KCNIP1: variants seen among roughly 807,000 people sequenced by gnomAD.
The protein encoded by KCNIP1 is potassium voltage-gated channel interacting protein 1, also known as A-type potassium channel modulatory protein KCNIP1.
In KCNIP1, 18 loss-of-function variants were observed where a neutral mutation model predicts 33.0. The observed-to-expected ratio is 0.55, with a 90% CI of 0.38 to 0.81. KCNIP1 has a LOEUF of 0.81. KCNIP1 is among the 30% of genes least tolerant of loss of function. KCNIP1 has a pLI of 0.00. For synonymous variants in KCNIP1, 93 were observed against 98.3 expected, an observed-to-expected ratio of 0.95 and a Z score of 0.32; for missense variants, 238 against 271.6, an observed-to-expected ratio of 0.88 and a Z score of 0.87.
chr5:170,431,955 T>C (rs1029461225), intron 1 of KCNIP1, among the ~76,000 whole-genome samples: 1 of 152,160 alleles, frequency 6.6e-6, no homozygotes, highest in Non-Finnish European at 1.5e-5. Context: ...GGGTTGCTGG[T>C]GGGCAGATTC....
At chr5:170,363,146 C>G (rs1410877398) in intron 1 of KCNIP1, among the ~76,000 whole-genome samples, 1 of 152,196 alleles carries the variant, frequency 6.6e-6, no homozygotes, top group Non-Finnish European at 1.5e-5. Flanking sequence ...TGTTTTTATT[C>G]CAAACCAGGG....
At chr5:170,454,157 A>G (rs1756320698) in intron 1 of KCNIP1, among the ~76,000 whole-genome samples, 1 of 152,240 alleles carries the variant, frequency 6.6e-6, no homozygotes, top group South Asian at 2.1e-4. Flanking sequence ...CTAGAAGAAT[A>G]ATTCATGCTT....
chr5:170,495,853 C>T (rs1042513766), intron 1 of KCNIP1, among the ~76,000 whole-genome samples: 1 of 152,222 alleles, frequency 6.6e-6, no homozygotes, highest in Non-Finnish European at 1.5e-5. Context: ...AGTCAGTCCT[C>T]AGCACGAGGG....
At chr5:170,567,370 G>A (rs1314767722) in intron 1 of KCNIP1, among the ~76,000 whole-genome samples, 1 of 152,194 alleles carries the variant, frequency 6.6e-6, no homozygotes, top group Non-Finnish European at 1.5e-5. Flanking sequence ...GATACAGGAG[G>A]TGAGGAGGTC....
chr5:170,720,958 CA>C (rs58206720), intron 3 of KCNIP1, among the ~76,000 whole-genome samples: 3,319 of 152,328 alleles, frequency 0.022, 132 homozygotes, highest in African/African-American at 0.075. Flanking sequence ...AGGCCCACAA[CA>C]GCTGCTCTGT....
intron 1 of KCNIP1, among the ~76,000 whole-genome samples, chr5:170,534,507 G>A (rs1374739604): frequency 1.1e-5 from 1 of 87,328 alleles, no homozygotes; most frequent in African/African-American, 1.0e-4. Context: ...GGAGAAGGAG[G>A]AGAAGGAGAA....
At chr5:170,721,701 C>A in intron 3 of KCNIP1, 132 bp from the exon 4 acceptor site, 1 of 1,602,072 alleles carries the variant, frequency 6.2e-7, no homozygotes, top group Admixed American at 1.7e-5. Context: ...GGGCCCCACT[C>A]CATAATTTTC....
At chr5:170,718,933 T>C in intron 2 of KCNIP1, 51 bp downstream of exon 2, 1 of 1,581,044 alleles carries the variant, frequency 6.3e-7, no homozygotes, top group Non-Finnish European at 8.5e-7. Context: ...CACGTGAGGC[T>C]ACACTCTCCC....
chr5:170,736,091 T>C lies in KCNIP1; in HGVS notation c.*285T>C. ...CCTCACACTGCTGCCCTATGGAAGG[T>C]CCCTCTGCTTAAGCTTAAACAGTAG... On this transcript the variant is annotated 3_prime_UTR_variant, in exon 8 of 8. Transcript: ENST00000328939. 1 of 430,218 alleles carries C rather than the reference T, an allele frequency of 2.3e-6. No homozygotes were observed. The highest frequency in any genetic ancestry group is 4.2e-6 in the Non-Finnish European group (1 of 239,620). 26.7% of individuals were successfully genotyped at this position (430,218 alleles called of 1,614,324 possible). A position where few individuals can be genotyped will look rare whatever the true frequency, so the allele number is the denominator to read the frequency against.
chr5:170,654,534 T>C (rs1232737178), intron 1 of KCNIP1, among the ~76,000 whole-genome samples: 1 of 152,244 alleles, frequency 6.6e-6, no homozygotes, highest in Non-Finnish European at 1.5e-5. Flanking sequence ...CATTTACTCA[T>C]GAATATTAAT....
chr5:170,626,102 T>G, intron 1 of KCNIP1, among the ~76,000 whole-genome samples: 1 of 152,078 alleles, frequency 6.6e-6, no homozygotes, highest in Non-Finnish European at 1.5e-5. Flanking sequence ...GTTTGGAAGG[T>G]GCTGGAAGGT....
rs572829952 is a variant in KCNIP1, at chr5:170,371,248, CCTGT to C, written c.88+17291_88+17294del. 3.7e-4 allele frequency among the ~76,000 whole-genome samples: 57 copies of C among 152,234 alleles called. 3 individuals are homozygous for C. The South Asian group carries it at 9.1e-3, about 24-fold the overall frequency. On this transcript the variant is annotated intron_variant, in intron 1 of 7. Coordinates refer to the KCNIP1 transcript ENST00000377360. ...GGCAGGTGCCAGCTGGCCTCGTGGTCCTGTCTGTCTTGGCAGTGCCCACAGCAGA... is the reference window on the plus strand; with the variant it reads ...GGCAGGTGCCAGCTGGCCTCGTGGTCCTGTCTTGGCAGTGCCCACAGCAGA...
intron 1 of KCNIP1, among the ~76,000 whole-genome samples, chr5:170,412,948 C>A (rs765638600): frequency 6.6e-6 from 1 of 152,180 alleles, no homozygotes; most frequent in Non-Finnish European, 1.5e-5. Context: ...ACATACCCTT[C>A]ATTTTATTTG....
intron 1 of KCNIP1, among the ~76,000 whole-genome samples, chr5:170,409,141 G>A (rs1008109816): frequency 2.0e-5 from 3 of 152,202 alleles, no homozygotes; most frequent in Non-Finnish European, 4.4e-5. Flanking sequence ...ACAGACCTAA[G>A]AGGCAGATCC....
chr5:170,520,670 GC>G (rs1187710811), intron 1 of KCNIP1, among the ~76,000 whole-genome samples: 1 of 152,194 alleles, frequency 6.6e-6, no homozygotes, highest in African/African-American at 2.4e-5. Flanking sequence ...TTTGGTGTTT[GC>G]TTTACCTCCG....
intron 1 of KCNIP1, among the ~76,000 whole-genome samples, chr5:170,417,642 T>G (rs1251917375): frequency 1.3e-5 from 2 of 152,202 alleles, no homozygotes; most frequent in Non-Finnish European, 2.9e-5. Flanking sequence ...CCTGTTTTTT[T>G]TGTGGGTATA....
At chr5:170,505,725 C>T (rs747682485) in intron 1 of KCNIP1, among the ~76,000 whole-genome samples, 1 of 152,154 alleles carries the variant, frequency 6.6e-6, no homozygotes, top group Non-Finnish European at 1.5e-5. Flanking sequence ...GTAAGCTGTC[C>T]TTGAAACCCC....
chr5:170,547,522 C>T lies in KCNIP1; in HGVS notation c.61+42889C>T, dbSNP rs1475935336. Among the ~76,000 whole-genome samples, 3 of 152,174 alleles carry T rather than the reference C, an allele frequency of 2.0e-5. No homozygotes were observed. The South Asian group carries it at 6.2e-4, about 31-fold the overall frequency. On this transcript the variant is annotated intron_variant, in intron 1 of 7. Transcript: ENST00000328939. ...CATTAGTTATTTTTCCTGATCCTCT[C>T]CCTCCTCCCACCCTCTGGTGGGCCC... is the stretch of plus-strand genomic sequence containing the variant.
At chr5:170,447,060 A>T (rs1379781614) in intron 1 of KCNIP1, among the ~76,000 whole-genome samples, 1 of 152,154 alleles carries the variant, frequency 6.6e-6, no homozygotes, top group Non-Finnish European at 1.5e-5. Context: ...CCATCTTCTT[A>T]TTCATCTGAA....
Sources: gnomAD v4.1 joint callset for allele counts (sites outside exome capture counted in the v4.1 genomes callset) on GRCh38, gnomAD v4.1.1 for gene constraint, MANE v1.5 for transcripts, NCBI Gene and HGNC (gene_info 2026-07-23, HGNC 2026-07-21) for gene names.